TNNI3K: variants seen among roughly 807,000 people sequenced by gnomAD.
TNNI3K encodes serine/threonine-protein kinase TNNI3K.
TNNI3K carries 140 observed loss-of-function variants against 114.5 expected under a neutral mutation model. That is an observed-to-expected ratio of 1.22 (90% CI 1.07 to 1.41). The LOEUF (loss-of-function observed/expected upper bound fraction) is 1.41. TNNI3K is among the 40% of genes most tolerant of loss of function. The pLI is 0.00. For missense variants in TNNI3K, 1,125 were observed against 1,007.6 expected (o/e 1.12, Z -1.58); for synonymous variants, 347 against 347.5 (o/e 1.00, Z 0.02).
intron 4 of TNNI3K, 30 bp downstream of exon 4, chr1:74,250,799 C>A: frequency 7.1e-7 from 1 of 1,399,878 alleles, no homozygotes; most frequent in African/African-American, 1.5e-5. Flanking sequence ...ATAAACACTG[C>A]ATTGGAACTA....
At chr1:74,287,897 CAA>C (rs1208592178) in intron 5 of TNNI3K, among the ~76,000 whole-genome samples, 1 of 151,884 alleles carries the variant, frequency 6.6e-6, no homozygotes, top group Admixed American at 6.6e-5. Flanking sequence ...AAAAGGACAA[CAA>C]ATATTCCAAT....
chr1:74,274,186 A>G (rs1656528925), intron 5 of TNNI3K, among the ~76,000 whole-genome samples: 1 of 152,024 alleles, frequency 6.6e-6, no homozygotes, highest in African/African-American at 2.4e-5. Context: ...AAAATGTTAT[A>G]AAGAAAATCA....
In TNNI3K at chr1:74,343,128, G is replaced by T; in HGVS notation, c.881G>T (p.Gly294Val). The change falls in exon 9 of 25, where the codon GGA (glycine) becomes GTA (valine). Residue 294 changes from glycine to valine, a missense_variant. By Grantham distance (109) the Gly-to-Val change is moderately radical. Coordinates refer to ENST00000326637, the MANE Select transcript of TNNI3K (RefSeq NM_015978.3). ...GCCAAGGAAATCATCCAAATATCAG[G>T]AACAGAAAGTCTGACTAAGGAAAAC... Reference protein sequence around the residue: ...EVAKEIIQISGTESLTKENIF... With the variant: ...EVAKEIIQISVTESLTKENIF... 6.2e-7 allele frequency: 1 copy of T among 1,613,362 alleles called. No homozygotes were observed. The highest frequency in any genetic ancestry group is 8.5e-7 in the Non-Finnish European group (1 of 1,179,762).
In TNNI3K at chr1:74,314,346, T is replaced by G. The variant is rs945873890; in HGVS notation, c.445-17104T>G. Among the ~76,000 whole-genome samples the G allele has an allele frequency of 2.6e-5, 4 of 152,144 alleles. No homozygotes were observed. In the East Asian group the frequency reaches 7.7e-4, roughly 29 times the overall value. On this transcript the variant is annotated intron_variant, in intron 5 of 24. Transcript: ENST00000326637. ...GATTCTGATTAGCACTGAAATTTTT[T>G]TAACTCAAATTTTCTTTAACAAAGA...
At chr1:74,357,159 A>G (rs1339097870) in intron 11 of TNNI3K, among the ~76,000 whole-genome samples, 1 of 152,130 alleles carries the variant, frequency 6.6e-6, no homozygotes, top group African/African-American at 2.4e-5. Flanking sequence ...TTGATATAGC[A>G]TACTAAGGAG....
rs550052669 is a variant in TNNI3K, at chr1:74,540,758, G to A, written c.2431+445G>A. On this transcript the variant is annotated intron_variant, in intron 24 of 24. Transcript: ENST00000326637. ...TTTTCACAATTACCTAATATGTTGG[G>A]AGAGCTGTTCCCCTTTTAGCCAAGC... 1.0e-4 allele frequency among the ~76,000 whole-genome samples: 6 copies of A among 57,930 alleles called. No homozygotes were observed. The East Asian group carries it at 1.8e-3, about 17-fold the overall frequency. 38.0% of individuals were successfully genotyped at this position (57,930 alleles called of 152,430 possible). A position where few individuals can be genotyped will look rare whatever the true frequency, so the allele number is the denominator to read the frequency against.
chr1:74,416,853 A>T (rs1395868587), intron 17 of TNNI3K, among the ~76,000 whole-genome samples: 2 of 151,920 alleles, frequency 1.3e-5, no homozygotes, highest in Non-Finnish European at 2.9e-5. Context: ...TTCTTCCAAA[A>T]TATATCTTTG....
chr1:74,240,961 G>A (rs1654160475), intron 2 of TNNI3K: 1 of 151,640 alleles, frequency 6.6e-6, no homozygotes, highest in Admixed American at 6.6e-5. Flanking sequence ...GCCCCCGTGT[G>A]TGATGTTCCC....
intron 20 of TNNI3K, among the ~76,000 whole-genome samples, chr1:74,452,264 G>A (rs1394387525): frequency 1.3e-5 from 2 of 152,142 alleles, no homozygotes; most frequent in African/African-American, 4.8e-5. Context: ...CATTCAATGA[G>A]ATTATGTTTG....
chr1:74,538,167 G>C (rs1308261961), intron 23 of TNNI3K, among the ~76,000 whole-genome samples: 3 of 152,106 alleles, frequency 2.0e-5, no homozygotes, highest in African/African-American at 4.8e-5. Context: ...ATTGAGGAAT[G>C]TTTGCAAAAT....
At chr1:74,324,496 T>G (rs929621527) in intron 5 of TNNI3K, among the ~76,000 whole-genome samples, 4 of 152,184 alleles carry the variant, frequency 2.6e-5, no homozygotes, top group Non-Finnish European at 5.9e-5. Context: ...GGGAAGGAAT[T>G]ACTAGCTGGT....
intron 23 of TNNI3K, among the ~76,000 whole-genome samples, chr1:74,497,922 G>A (rs775270994): frequency 6.6e-6 from 1 of 152,176 alleles, no homozygotes; most frequent in Non-Finnish European, 1.5e-5. Flanking sequence ...TAAACAGAGA[G>A]TGATACTGTC....
At chr1:74,361,051 T>C (rs1168166512) in intron 11 of TNNI3K, among the ~76,000 whole-genome samples, 1 of 152,142 alleles carries the variant, frequency 6.6e-6, no homozygotes, top group Non-Finnish European at 1.5e-5. Context: ...GGTGAGTTGA[T>C]ATTCTAAGAA....
intron 4 of TNNI3K, among the ~76,000 whole-genome samples, chr1:74,270,691 G>T (rs1458819839): frequency 6.6e-6 from 1 of 151,704 alleles, no homozygotes; most frequent in African/African-American, 2.4e-5. Context: ...AGTCATAAAT[G>T]CACTGGCCTA....
chr1:74,496,594 T>C (rs1215040076), intron 23 of TNNI3K, among the ~76,000 whole-genome samples: 1 of 152,046 alleles, frequency 6.6e-6, no homozygotes, highest in Non-Finnish European at 1.5e-5. Flanking sequence ...TTTTGGTTGT[T>C]TGTATATTTG....
At chr1:74,250,560 C>T (rs1216205562) in intron 3 of TNNI3K, 112 bp from the exon 4 acceptor site, 2 of 916,092 alleles carry the variant, frequency 2.2e-6, no homozygotes, top group Non-Finnish European at 3.1e-6. Flanking sequence ...GCCTGCAGAA[C>T]GCAGCTTGAC....
chr1:74,517,624 A>G (rs1188916536), intron 23 of TNNI3K, among the ~76,000 whole-genome samples: 2 of 152,168 alleles, frequency 1.3e-5, no homozygotes, highest in African/African-American at 4.8e-5. Flanking sequence ...GCTATGTCCA[A>G]CTCACAGTGG....
In TNNI3K at chr1:74,336,123, T is replaced by A. The variant is rs201777822; in HGVS notation, c.656T>A (p.Leu219Ter). The change falls in exon 7 of 25, where the codon TTG becomes TAG. Residue 219 changes from leucine (L) to a stop codon, truncating the protein, a stop_gained. Transcript: ENST00000326637. LOFTEE classifies it high-confidence loss of function. ...AKGFLNIAKL[L>*]MEEGSKADVN... ...GGATTCTTGAATATTGCAAAACTCT[T>A]GATGGAAGAAGGCAGCAAAGCAGAT... The A allele has an allele frequency of 6.2e-7, 1 of 1,603,532 alleles. No individual in the cohort carries two copies. Among genetic ancestry groups the A allele is most frequent in the Non-Finnish European group, 8.5e-7 (1 of 1,177,226 alleles).
chr1:74,302,006 T>C (rs1341279444), intron 5 of TNNI3K, among the ~76,000 whole-genome samples: 1 of 152,244 alleles, frequency 6.6e-6, no homozygotes, highest in Non-Finnish European at 1.5e-5. Flanking sequence ...CTTTGCTGTA[T>C]TGTGCTTTAC....
Sources: gnomAD v4.1 joint callset for allele counts (sites outside exome capture counted in the v4.1 genomes callset) on GRCh38, gnomAD v4.1.1 for gene constraint, MANE v1.5 for transcripts, NCBI Gene and HGNC (gene_info 2026-07-23, HGNC 2026-07-21) for gene names.